WDR45B: variants seen among roughly 807,000 people sequenced by gnomAD.
WDR45B encodes the protein WD repeat domain 45B.
WDR45B carries 20 observed loss-of-function variants against 44.6 expected under a neutral mutation model. That is an observed-to-expected ratio of 0.45 (90% CI 0.32 to 0.65). The LOEUF is 0.65. WDR45B is among the 30% of genes least tolerant of loss of function. WDR45B has a pLI of 0.05. For synonymous variants in WDR45B, 169 were observed against 164.9 expected, an observed-to-expected ratio of 1.02 and a Z score of -0.19; for missense variants, 323 against 430.2, an observed-to-expected ratio of 0.75 and a Z score of 2.20.
intron 6 of WDR45B, among the ~76,000 whole-genome samples, chr17:82,620,204 C>G (rs946553240): frequency 6.6e-6 from 1 of 152,164 alleles, no homozygotes; most frequent in African/African-American, 2.4e-5. Context: ...GAGGCTGAGG[C>G]GGGTGGATCA....
At chr17:82,622,478 T>C (rs2045632191) in intron 5 of WDR45B, among the ~76,000 whole-genome samples, 1 of 152,206 alleles carries the variant, frequency 6.6e-6, no homozygotes, top group South Asian at 2.1e-4. Context: ...TCACCCAGGC[T>C]GGAGTGTACA....
chr17:82,632,086 A>G (rs1598271424), intron 2 of WDR45B, among the ~76,000 whole-genome samples: 1 of 98,472 alleles, frequency 1.0e-5, no homozygotes, highest in Admixed American at 9.4e-5. Flanking sequence ...TCTCAAGATA[A>G]ATAAATAAAA....
At chr17:82,621,555 CT>C (rs1414074505) in intron 6 of WDR45B, 53 bp downstream of exon 6, 2 of 1,611,116 alleles carry the variant, frequency 1.2e-6, no homozygotes, top group Non-Finnish European at 1.7e-6. Context: ...GGCCATTTTG[CT>C]GAGCCTGCTG....
intron 2 of WDR45B, 88 bp downstream of exon 2, chr17:82,643,861 T>A (rs999326475): frequency 7.6e-7 from 1 of 1,313,678 alleles, no homozygotes; most frequent in African/African-American, 1.5e-5. Context: ...AAAACAGCCA[T>A]CCCTTCCCTG....
rs551228419 is a variant in WDR45B at position 82,621,110 on chromosome 17, G to C, written c.618+499C>G. ...ACTCTGTCACCCGGGCTGCAGTGTA[G>C]TGGCATGATCTCAGCTCACTGCAAT... On this transcript the variant is annotated intron_variant, in intron 6 of 9. Coordinates refer to ENST00000392325, the MANE Select transcript of WDR45B (RefSeq NM_019613.4). 2.4e-4 allele frequency among the ~76,000 whole-genome samples: 36 copies of C among 148,958 alleles called. No homozygotes were observed. In the East Asian group the frequency reaches 6.5e-3, roughly 27 times the overall value.
At position 82,618,633 on chromosome 17, in the gene WDR45B, A is replaced by C. The variant is rs780879246; in HGVS notation, c.704+410T>G. ...ACAACTGTGGTCCCAGCTGCTCAGG[A>C]GGCTGAGGCAGGAGAATCGCTTGGG... On this transcript the variant is annotated intron_variant, in intron 7 of 9. Transcript: ENST00000392325. 1.2e-4 allele frequency among the ~76,000 whole-genome samples: 19 copies of C among 152,288 alleles called. No individual in the cohort carries two copies. In the South Asian group the frequency reaches 1.9e-3, roughly 15 times the overall value.
chr17:82,641,168 T>A (rs2045910355), intron 2 of WDR45B, among the ~76,000 whole-genome samples: 1 of 152,100 alleles, frequency 6.6e-6, no homozygotes, highest in Admixed American at 6.6e-5. Flanking sequence ...GGTTTCACCG[T>A]GTTGCCCAGG....
At chr17:82,638,918 G>A (rs1300123129) in intron 2 of WDR45B, among the ~76,000 whole-genome samples, 2 of 151,988 alleles carry the variant, frequency 1.3e-5, no homozygotes, top group Admixed American at 6.5e-5. Flanking sequence ...CGCCTCCTGG[G>A]TTCAAGTGAT....
chr17:82,626,366 T>C (rs2045697190), intron 4 of WDR45B, among the ~76,000 whole-genome samples: 1 of 150,706 alleles, frequency 6.6e-6, no homozygotes, highest in Admixed American at 6.6e-5. Context: ...TGAAACCCTG[T>C]CTCTACTAAA....
rs141297947 is a variant in WDR45B, at chr17:82,641,502, A to C, written c.142+2447T>G. On this transcript the variant is annotated intron_variant, in intron 2 of 9. Transcript: ENST00000392325. ...CTTTCACCTGCTAAGGCAGAACTCA[A>C]ATCTTCTCCACCTGATTGTGGGTCT... Among the ~76,000 whole-genome samples, 42 of 152,238 alleles carry C rather than the reference A, an allele frequency of 2.8e-4. No individual in the cohort carries two copies. The East Asian group carries it at 7.7e-3, about 28-fold the overall frequency.
chr17:82,646,474 C>T (rs1415384677), intron 1 of WDR45B, among the ~76,000 whole-genome samples: 3 of 76,014 alleles, frequency 3.9e-5, no homozygotes, highest in African/African-American at 1.5e-4. Flanking sequence ...GCAACAAGAG[C>T]GAAAACTCCG....
intron 1 of WDR45B, 23 bp downstream of exon 1, chr17:82,648,251 G>A: frequency 6.3e-7 from 1 of 1,599,116 alleles, no homozygotes; most frequent in Non-Finnish European, 8.5e-7. Flanking sequence ...GCCGGGCAAG[G>A]CGACAGGGCC....
intron 5 of WDR45B, 45 bp from the exon 6 acceptor site, chr17:82,621,844 C>A (rs1258846454): frequency 6.2e-7 from 1 of 1,605,156 alleles, no homozygotes; most frequent in Non-Finnish European, 8.5e-7. Context: ...CCTTTGATTT[C>A]TCACAGCCAA....
chr17:82,630,892 C>T lies in WDR45B; in HGVS notation c.244+29G>A, dbSNP rs1354241768. The T allele has an allele frequency of 5.0e-6, 8 of 1,593,876 alleles. No individual in the cohort carries two copies. The Admixed American group carries it at 1.3e-4, about 27-fold the overall frequency. On this transcript the variant is annotated intron_variant, in intron 3 of 9. Transcript: ENST00000392325. ...AAAAGACTGGGTGGGACACGTGAGG[C>T]ATGATTCTTCAATACACAATTACAG...
intron 2 of WDR45B, among the ~76,000 whole-genome samples, chr17:82,635,640 C>A (rs2045823345): frequency 6.6e-6 from 1 of 151,660 alleles, no homozygotes; most frequent in Admixed American, 6.6e-5. Context: ...CCAGGCTGGT[C>A]TCGAACTCCT....
chr17:82,630,557 G>A (rs1417427210), intron 3 of WDR45B, among the ~76,000 whole-genome samples: 2 of 152,076 alleles, frequency 1.3e-5, no homozygotes, highest in South Asian at 2.1e-4. Flanking sequence ...TTTGTTCCAC[G>A]TGGCTATGAA....
chr17:82,621,575 G>A, intron 6 of WDR45B, 34 bp downstream of exon 6: 1 of 1,613,440 alleles, frequency 6.2e-7, no homozygotes, highest in Non-Finnish European at 8.5e-7. Context: ...TGCTCCAGGA[G>A]GCACAACACC....
At chr17:82,616,188 GT>G (rs1464969925) in intron 9 of WDR45B, among the ~76,000 whole-genome samples, 163 bp from the exon 10 acceptor site, 3 of 152,188 alleles carry the variant, frequency 2.0e-5, no homozygotes, top group Non-Finnish European at 2.9e-5. Flanking sequence ...GGTCGGCACC[GT>G]GGCCGGGAAT....
rs59311520 is a variant in WDR45B, at chr17:82,623,387, C to CAA, written c.428-1590_428-1589dup. On this transcript the variant is annotated intron_variant, in intron 5 of 9. Transcript: ENST00000392325. ...GGGCAACAGAGCGAGACTCTATCTC[C>CAA]AAAAAAAAAAAAAAAACAAACAAAA... Among the ~76,000 whole-genome samples the CAA allele has an allele frequency of 4.6e-3, 456 of 99,424 alleles. 4 individuals are homozygous for CAA. Among genetic ancestry groups the CAA allele is most frequent in the African/African-American group, 0.013 (357 of 28,510 alleles). 65.2% of individuals were successfully genotyped at this position (99,424 alleles called of 152,430 possible). A position where few individuals can be genotyped will look rare whatever the true frequency, so the allele number is the denominator to read the frequency against.
Sources: allele counts gnomAD v4.1 joint callset (sites outside exome capture counted in the v4.1 genomes callset), GRCh38; gene constraint gnomAD v4.1.1; transcripts MANE v1.5; gene names NCBI Gene and HGNC (gene_info 2026-07-23, HGNC 2026-07-21).